LTK: variants seen among roughly 807,000 people sequenced by gnomAD.
LTK encodes the protein leukocyte receptor tyrosine kinase.
In LTK, 117 loss-of-function variants were observed where a neutral mutation model predicts 101.5. The ratio of observed to expected loss-of-function variants is 1.15; its 90% CI spans 0.99 to 1.34. The LOEUF (loss-of-function observed/expected upper bound fraction) is 1.34. LTK is among the 40% of genes most tolerant of loss of function. The pLI, the probability that LTK is intolerant of heterozygous loss-of-function variation, is 0.00. For synonymous variants in LTK, 563 were observed against 494.2 expected (o/e 1.14, Z -1.85); for missense variants, 1,252 against 1,164.7 (o/e 1.07, Z -1.09).
intron 4 of LTK, 64 bp downstream of exon 4, chr15:41,512,051 C>T (rs1003823812): frequency 3.3e-6 from 5 of 1,500,902 alleles, no homozygotes; most frequent in Non-Finnish European, 4.4e-6. Context: ...GCACGCTCCC[C>T]CGGCCCCCAG....
Position 41,504,426 on chromosome 15 carries a change from G to A in LTK, c.2262C>T (p.Arg754=). ...CGTGCTGCCAACACTGGGTCATGATGCGGTACCTGGGGAGAGGCAGGAGTT... is the reference window on the plus strand; with the variant it reads ...CGTGCTGCCAACACTGGGTCATGATACGGTACCTGGGGAGAGGCAGGAGTT... ...PPRGCPGPVY[R]IMTQCWQHEP... is the part of the protein sequence containing the mutation. The change falls in exon 19 of 20, where the codon CGC becomes CGT. Residue 754 remains arginine (R), a synonymous_variant. Coordinates refer to ENST00000263800, the MANE Select transcript of LTK (RefSeq NM_002344.6). 1 of 1,614,140 alleles carries A rather than the reference G, an allele frequency of 6.2e-7. No individual in the cohort carries two copies. Among genetic ancestry groups the A allele is most frequent in the Non-Finnish European group, 8.5e-7 (1 of 1,180,002 alleles).
At chr15:41,508,521 C>T (rs2051357575) in intron 8 of LTK, among the ~76,000 whole-genome samples, 1 of 151,880 alleles carries the variant, frequency 6.6e-6, no homozygotes, top group South Asian at 2.1e-4. Context: ...CGCACCACTG[C>T]ACTCCAGCCT....
rs764707011 is a variant in LTK at position 41,512,269 on chromosome 15, C to A, written c.360-4G>T. 12 of 1,610,142 alleles carry A rather than the reference C, an allele frequency of 7.5e-6. No homozygotes were observed. Among genetic ancestry groups the A allele is most frequent in the Admixed American group, 3.3e-5 (2 of 59,702 alleles). On this transcript the variant is annotated splice_region_variant and splice_polypyrimidine_tract_variant and intron_variant, in intron 3 of 19. Transcript: ENST00000263800. ...CGCGGCTCCGTAGGCTGAGATCCTG[C>A]GGGGAACGGACGGTGAGTCCCCGGC...
Position 41,512,780 on chromosome 15 carries a change from C to T in LTK, c.286G>A (p.Val96Met), listed in dbSNP as rs746084689. 1.1e-5 allele frequency: 17 copies of T among 1,611,684 alleles called. No individual in the cohort carries two copies. The South Asian group carries it at 1.4e-4, about 14-fold the overall frequency. The change falls in exon 3 of 20, where the codon GTG (valine) becomes ATG (methionine). Residue 96 changes from valine to methionine, a missense_variant. Transcript: ENST00000263800. The part of the protein sequence containing the change: ...CDGAYAGTSV[V>M]VTVGAAGQLR... ...TGCCCGGCGGCCCCCACGGTCACCA[C>T]CACGCTGGTCCCCGCGTACGCCCCG...
chr15:41,505,734 AG>A lies in LTK; in HGVS notation c.1675del (p.Leu559SerfsTer34). On this transcript the variant is annotated frameshift_variant, in exon 13 of 20. Transcript: ENST00000263800. LOFTEE classifies it high-confidence loss of function. Reference sequence around the variant, plus strand: ...GCACCTGATGATGAGGGCCTCCATGAGGAAATCCAGCTCATCCTGAGGCGAG... The same window carrying A: ...GCACCTGATGATGAGGGCCTCCATGAGAAATCCAGCTCATCCTGAGGCGAG... ...LCSPQDELDF[L>X]MEALIISKFR... is the part of the protein sequence containing the mutation. 1 of 1,613,854 alleles carries A rather than the reference AG, an allele frequency of 6.2e-7. No homozygotes were observed. Among genetic ancestry groups the A allele is most frequent in the East Asian group, 2.2e-5 (1 of 44,860 alleles).
In LTK at chr15:41,512,993, G is replaced by A; in HGVS notation, c.171C>T (p.Ser57=). ...SAPPSILEPA[S]PLNSPGTEGS... ...AAAGCTCACCCGGAGAATTCAGCGG[G>A]GAGGCTGGCTCCAAGATACTAGGCG... Residue 57 remains serine (S), a synonymous_variant, in exon 2 of 20, where the codon TCC becomes TCT. Coordinates refer to ENST00000263800, the MANE Select transcript of LTK (RefSeq NM_002344.6). The A allele has an allele frequency of 6.2e-7, 1 of 1,613,756 alleles. No homozygotes were observed. Among genetic ancestry groups the A allele is most frequent in the Non-Finnish European group, 8.5e-7 (1 of 1,179,962 alleles).
intron 3 of LTK, 126 bp downstream of exon 3, chr15:41,512,581 C>T: frequency 8.0e-7 from 1 of 1,246,748 alleles, no homozygotes; most frequent in Non-Finnish European, 1.1e-6. Context: ...TTGAAGGGCA[C>T]TCAAGGTGGA....
chr15:41,504,173 C>T lies in LTK; in HGVS notation c.2418G>A (p.Gly806=). The T allele has an allele frequency of 6.2e-7, 1 of 1,613,768 alleles. No individual in the cohort carries two copies. Among genetic ancestry groups the T allele is most frequent in the South Asian group, 1.1e-5 (1 of 91,078 alleles). ...GPTPEEEGTS[G]LGNRSLECLR... ...GGCACTCCAAAGATCTGTTCCCCAG[C>T]CCAGAAGTCCCTTCCTCCTCTGGGG... The change falls in exon 20 of 20, where the codon GGG becomes GGA. Residue 806 remains glycine, a synonymous_variant. Coordinates refer to ENST00000263800, the MANE Select transcript of LTK (RefSeq NM_002344.6).
chr15:41,505,751 C>T lies in LTK; in HGVS notation c.1659G>A (p.Gln553=). 1 of 1,613,982 alleles carries T rather than the reference C, an allele frequency of 6.2e-7. No individual in the cohort carries two copies. The highest frequency in any genetic ancestry group is 8.5e-7 in the Non-Finnish European group (1 of 1,179,976). ...CCTCCATGAGGAAATCCAGCTCATC[C>T]TGAGGCGAGCAGAGTTCTGGCAGGG... ...IKTLPELCSP[Q]DELDFLMEAL... is the part of the protein sequence containing the mutation. Residue 553 remains glutamine, a synonymous_variant, in exon 13 of 20, where the codon CAG becomes CAA. Transcript: ENST00000263800.
rs1226687882 is a variant in LTK, at chr15:41,511,703, C to G, written c.657+114G>C. On this transcript the variant is annotated intron_variant, in intron 5 of 19. Transcript: ENST00000263800. The surrounding 1 kb of genome is among the most constrained non-coding windows in gnomAD (Gnocchi z 5.9). ...GGGCCCCCAGCCCAGCCCAGGCCAG[C>G]CCAGCCCAGCGCAGGGATAGGGGGA... is the stretch of plus-strand genomic sequence containing the variant. The G allele has an allele frequency of 1.1e-5, 15 of 1,425,808 alleles. 1 individual carries two copies. In the East Asian group the frequency reaches 2.4e-4, roughly 22 times the overall value. 88.3% of individuals were successfully genotyped at this position (1,425,808 alleles called of 1,614,324 possible).
intron 11 of LTK, among the ~76,000 whole-genome samples, chr15:41,506,267 C>T (rs545403182): frequency 4.6e-5 from 7 of 152,338 alleles, no homozygotes; most frequent in South Asian, 4.1e-4. Flanking sequence ...TCCCTGCAGA[C>T]GCCCTGGGCG....
rs367603132 is a variant in LTK at position 41,507,484 on chromosome 15, G to C, written c.1345+78C>G. On this transcript the variant is annotated intron_variant, in intron 10 of 19. Transcript: ENST00000263800. ...GGTGAGTGGTCTTGAAGTCAGCCCC[G>C]GGACCCCGCAGAAACCCATCCCAGC... 121 of 1,569,864 alleles carry C rather than the reference G, an allele frequency of 7.7e-5. No homozygotes were observed. In the African/African-American group the frequency reaches 1.4e-3, roughly 18 times the overall value.
Position 41,505,085 on chromosome 15 carries a change from A to G in LTK, c.1926-21T>C, listed in dbSNP as rs373801970. 2.6e-3 allele frequency: 4,124 copies of G among 1,600,544 alleles called. 9 individuals carry two copies. Among genetic ancestry groups the G allele is most frequent in the Non-Finnish European group, 3.3e-3 (3,921 of 1,171,360 alleles). Reference sequence around the variant, plus strand: ...TATCCCTACAGAGTAGGCAAAAAAAATCACTGCCAGAATCTAGAAGTTCTT... The same window carrying G: ...TATCCCTACAGAGTAGGCAAAAAAAGTCACTGCCAGAATCTAGAAGTTCTT... On this transcript the variant is annotated intron_variant, in intron 15 of 19. Transcript: ENST00000263800.
intron 7 of LTK, among the ~76,000 whole-genome samples, chr15:41,509,597 A>G (rs1180435057): frequency 1.3e-5 from 2 of 152,318 alleles, no homozygotes; most frequent in African/African-American, 4.8e-5. Context: ...GTGGTGGCTC[A>G]CGCCTGTAAT....
Position 41,512,695 on chromosome 15 carries a change from C to CCGTGCACT in LTK, c.359+4_359+11dup. 6.4e-7 allele frequency: 1 copy of CCGTGCACT among 1,556,730 alleles called. No homozygotes were observed. Among genetic ancestry groups the CCGTGCACT allele is most frequent in the Non-Finnish European group, 8.7e-7 (1 of 1,154,656 alleles). On this transcript the variant is annotated intron_variant, in intron 3 of 19. Transcript: ENST00000263800. ...CAGGTCACTGTCCACCCTACCTCCG[C>CCGTGCACT]CGTGCACTTACAGATACTGGCCAGG...
rs1403940912 is a variant in LTK, at chr15:41,505,942, G to C, written c.1605C>G (p.Asp535Glu). 9.3e-6 allele frequency: 15 copies of C among 1,613,824 alleles called. No individual in the cohort carries two copies. Among genetic ancestry groups the C allele is most frequent in the Non-Finnish European group, 1.2e-5 (14 of 1,179,892 alleles). Residue 535 changes from aspartate (D) to glutamate (E), a missense_variant, in exon 12 of 20, where the codon GAC (aspartate) becomes GAG (glutamate). By Grantham distance (45) the Asp-to-Glu change is conservative. Transcript: ENST00000263800. ...YEGLVIGLPG[D>E]SSPLQVAIKT... ...TGATAGCTACCTGCAGGGGACTGGA[G>C]TCCCCAGGAAGGCCAATTACCAGTC...
At chr15:41,505,149 G>C in intron 15 of LTK, 59 bp downstream of exon 15, 1 of 1,585,784 alleles carries the variant, frequency 6.3e-7, no homozygotes, top group Non-Finnish European at 8.6e-7. Context: ...TGTGTGGAAG[G>C]GCTGTTCCTT....
chr15:41,507,136 T>C lies in LTK; in HGVS notation c.1500A>G (p.Pro500=). ...TGGCTGGGGAAACCTCGGTGACACC[T>C]GGTGGCAGAGGCCAGGACTGGGCCG... ...LGPAQSWPLP[P]GVTEVSPANV... The change falls in exon 11 of 20, where the codon CCA becomes CCG. Residue 500 remains proline (P), a synonymous_variant. Transcript: ENST00000263800. The C allele has an allele frequency of 6.2e-7, 1 of 1,613,566 alleles. No individual in the cohort carries two copies. The highest frequency in any genetic ancestry group is 8.5e-7 in the Non-Finnish European group (1 of 1,179,900).
chr15:41,512,932 G>T (rs750447095), intron 2 of LTK, 45 bp downstream of exon 2: 17 of 1,612,020 alleles, frequency 1.1e-5, no homozygotes, highest in Admixed American at 1.0e-4. Context: ...GGCCAGAGGG[G>T]TCTGGTATGG....
Sources: gnomAD v4.1 joint callset for allele counts (sites outside exome capture counted in the v4.1 genomes callset) on GRCh38, gnomAD v4.1.1 for gene constraint, Gnocchi (gnomAD v3.1) non-coding constraint, MANE v1.5 for transcripts, NCBI Gene and HGNC (gene_info 2026-07-23, HGNC 2026-07-21) for gene names.